The following DCBLD2 variants were observed in gnomAD, a reference collection of about 807,000 sequenced individuals.
DCBLD2 encodes the protein discoidin, CUB and LCCL domain containing 2, also known as discoidin, CUB and LCCL domain-containing protein 2.
DCBLD2 carries 54 observed loss-of-function variants against 86.8 expected under a neutral mutation model. That is an observed-to-expected ratio of 0.62 (90% CI 0.50 to 0.78). The LOEUF (loss-of-function observed/expected upper bound fraction) is 0.78, where lower values mean the gene tolerates loss of function less well. Ranked by LOEUF, DCBLD2 falls within the 30% of genes least tolerant of loss-of-function variation. DCBLD2 has a pLI of 0.00. For synonymous variants in DCBLD2, 354 were observed against 341.3 expected, an observed-to-expected ratio of 1.04 and a Z score of -0.41; for missense variants, 908 against 954.2, an observed-to-expected ratio of 0.95 and a Z score of 0.64.
chr3:98,862,626 A>G lies in DCBLD2; in HGVS notation c.434-13028T>C, dbSNP rs185726909. On this transcript the variant is annotated intron_variant, in intron 2 of 15. Coordinates refer to ENST00000326840, the MANE Select transcript of DCBLD2 (RefSeq NM_080927.4). ...AGAACCACATACAAAAACCACATTG[A>G]TTATCTCAATAGATGCAGAAAAGGG... Among the ~76,000 whole-genome samples, 190 of 152,312 alleles carry G rather than the reference A, an allele frequency of 1.2e-3. 1 individual carries two copies. In the East Asian group the frequency reaches 0.016, roughly 13 times the overall value.
At chr3:98,812,021 TAAAC>T (rs1177738315) in intron 10 of DCBLD2, among the ~76,000 whole-genome samples, 1 of 152,226 alleles carries the variant, frequency 6.6e-6, no homozygotes, top group Non-Finnish European at 1.5e-5. Flanking sequence ...ATGCTTATGT[TAAAC>T]AAATATTACA....
At chr3:98,862,343 G>A (rs1156292506) in intron 2 of DCBLD2, among the ~76,000 whole-genome samples, 2 of 152,212 alleles carry the variant, frequency 1.3e-5, no homozygotes, top group African/African-American at 2.4e-5. Context: ...AATAGAAAAA[G>A]AGGGAATCCT....
chr3:98,861,258 T>A (rs1353543460), intron 2 of DCBLD2, among the ~76,000 whole-genome samples: 1 of 152,022 alleles, frequency 6.6e-6, no homozygotes, highest in Non-Finnish European at 1.5e-5. Flanking sequence ...AGACTTAGAC[T>A]CCCACACAAT....
intron 1 of DCBLD2, among the ~76,000 whole-genome samples, chr3:98,887,079 G>A (rs1205666275): frequency 6.6e-6 from 1 of 151,728 alleles, no homozygotes; most frequent in East Asian, 1.9e-4. Flanking sequence ...TTAATAATAT[G>A]AACATTGTGA....
chr3:98,861,289 AC>A (rs1943038824), intron 2 of DCBLD2, among the ~76,000 whole-genome samples: 1 of 143,664 alleles, frequency 7.0e-6, no homozygotes, highest in South Asian at 2.2e-4. Flanking sequence ...GACTTTTAAC[AC>A]CCCACTGTCA....
chr3:98,825,307 A>G lies in DCBLD2; in HGVS notation c.623+8T>C. 6.6e-7 allele frequency: 1 copy of G among 1,520,070 alleles called. No homozygotes were observed. The highest frequency in any genetic ancestry group is 2.4e-5 in the East Asian group (1 of 41,374). 94.2% of individuals were successfully genotyped at this position (1,520,070 alleles called of 1,614,324 possible). ...AAAAAAAAAAAAAAGTCACAAATAT[A>G]ATCATACCTGAACTCAGGTTCCAAA... On this transcript the variant is annotated splice_region_variant and intron_variant, in intron 4 of 15. Coordinates refer to ENST00000326840, the MANE Select transcript of DCBLD2 (RefSeq NM_080927.4).
intron 8 of DCBLD2, among the ~76,000 whole-genome samples, chr3:98,819,001 C>T (rs1487807786): frequency 6.6e-6 from 1 of 152,104 alleles, no homozygotes; most frequent in Admixed American, 6.5e-5. Context: ...TTTTAGAGAA[C>T]CCTGACCAAC....
At chr3:98,860,881 C>A (rs1438458380) in intron 2 of DCBLD2, among the ~76,000 whole-genome samples, 3 of 152,258 alleles carry the variant, frequency 2.0e-5, no homozygotes, top group South Asian at 4.1e-4. Flanking sequence ...ACAATATTAA[C>A]CTTAAATGTA....
At chr3:98,800,190 A>T (rs1941691689) in intron 15 of DCBLD2, among the ~76,000 whole-genome samples, 1 of 152,236 alleles carries the variant, frequency 6.6e-6, no homozygotes, top group African/African-American at 2.4e-5. Context: ...AATAAATATT[A>T]ATCTTGAAAA....
chr3:98,841,202 T>C (rs1942613318), intron 3 of DCBLD2, among the ~76,000 whole-genome samples: 1 of 152,088 alleles, frequency 6.6e-6, no homozygotes, highest in Non-Finnish European at 1.5e-5. Context: ...AATGTGATTG[T>C]GAGAAAGAGC....
In DCBLD2 at chr3:98,798,100, A is replaced by G. The variant is rs1180533156; in HGVS notation, c.*1272T>C. 1 of 152,206 alleles carries G rather than the reference A, an allele frequency of 6.6e-6. No individual in the cohort carries two copies. Among genetic ancestry groups the G allele is most frequent in the Non-Finnish European group, 1.5e-5 (1 of 68,050 alleles). 9.4% of individuals were successfully genotyped at this position (152,206 alleles called of 1,614,324 possible). Reference sequence around the variant, plus strand: ...AAGTGGTGACATGGAAGCTGCCAGGAGGTATCAAAAACAAGGCATGAATAT... The same window carrying G: ...AAGTGGTGACATGGAAGCTGCCAGGGGGTATCAAAAACAAGGCATGAATAT... On this transcript the variant is annotated 3_prime_UTR_variant, in exon 16 of 16. Coordinates refer to ENST00000326840, the MANE Select transcript of DCBLD2 (RefSeq NM_080927.4).
At chr3:98,896,388 A>G (rs1374025872) in intron 1 of DCBLD2, among the ~76,000 whole-genome samples, 1 of 152,254 alleles carries the variant, frequency 6.6e-6, no homozygotes. Context: ...GAAGAATTCA[A>G]TTAAATACAA....
chr3:98,898,474 T>C (rs1431877951), intron 1 of DCBLD2, among the ~76,000 whole-genome samples: 2 of 151,796 alleles, frequency 1.3e-5, no homozygotes, highest in Non-Finnish European at 2.9e-5. Flanking sequence ...TTAATTTTTA[T>C]TCTGACTATA....
At chr3:98,862,982 C>T (rs9846225) in intron 2 of DCBLD2, among the ~76,000 whole-genome samples, 6 of 151,736 alleles carry the variant, frequency 4.0e-5, no homozygotes, top group Admixed American at 1.3e-4. Context: ...CCATCATCTA[C>T]GCCCAAAATC....
chr3:98,883,458 C>T lies in DCBLD2; in HGVS notation c.206-1691G>A, dbSNP rs573638367. ...AATGACCTTTATATATTGGCAGCAG[C>T]ATTATTTGCTCCAGAAATTTATTCA... is the stretch of plus-strand genomic sequence containing the variant. On this transcript the variant is annotated intron_variant, in intron 1 of 15. Coordinates refer to ENST00000326840, the MANE Select transcript of DCBLD2 (RefSeq NM_080927.4). Among the ~76,000 whole-genome samples the T allele has an allele frequency of 2.6e-5, 4 of 152,176 alleles. No individual in the cohort carries two copies. In the South Asian group the frequency reaches 8.3e-4, roughly 32 times the overall value.
chr3:98,850,185 T>C (rs1248954856), intron 2 of DCBLD2, among the ~76,000 whole-genome samples: 1 of 152,220 alleles, frequency 6.6e-6, no homozygotes, highest in African/African-American at 2.4e-5. Flanking sequence ...TATAAAACTG[T>C]GTGCCTAAAT....
At chr3:98,840,799 C>G (rs182439547) in intron 3 of DCBLD2, among the ~76,000 whole-genome samples, 2 of 152,174 alleles carry the variant, frequency 1.3e-5, no homozygotes, top group South Asian at 4.1e-4. Flanking sequence ...TTATTTGCTA[C>G]GTTTTAAACT....
rs56279917 is a variant in DCBLD2 at position 98,835,938 on chromosome 3, C to CTTTCTTTCTTT, written c.572-10573_572-10572insAAAGAAAGAAA. Among the ~76,000 whole-genome samples, 44 of 115,066 alleles carry CTTTCTTTCTTT rather than the reference C, an allele frequency of 3.8e-4. 1 individual carries two copies. The highest frequency in any genetic ancestry group is 1.2e-3 in the African/African-American group (36 of 29,776). The allele number at this position is 115,066 out of a possible 152,430, so 75.5% of individuals were successfully genotyped here. A position where few individuals can be genotyped will look rare whatever the true frequency, so the allele number is the denominator to read the frequency against. ...TCTTTCTTTCTTCCTTCCTTTCTTT[C>CTTTCTTTCTTT]TTTTTTTTTTTTTTTAAGATTTTTA... On this transcript the variant is annotated intron_variant, in intron 3 of 15. Transcript: ENST00000326840.
intron 1 of DCBLD2, among the ~76,000 whole-genome samples, chr3:98,885,898 C>T (rs973875740): frequency 9.9e-5 from 15 of 151,308 alleles, no homozygotes; most frequent in Non-Finnish European, 1.9e-4. Context: ...GTGTTATTGG[C>T]ATCTAGTAGG....
Sources: gnomAD v4.1 joint callset for allele counts (sites outside exome capture counted in the v4.1 genomes callset) on GRCh38, gnomAD v4.1.1 for gene constraint, MANE v1.5 for transcripts, NCBI Gene and HGNC (gene_info 2026-07-23, HGNC 2026-07-21) for gene names.